The following SLC4A10 variants were observed in gnomAD, a reference collection of about 807,000 sequenced individuals.
SLC4A10 encodes solute carrier family 4 member 10, also known as sodium-driven chloride bicarbonate exchanger.
In SLC4A10, 42 loss-of-function variants were observed where a neutral mutation model predicts 137.7. The observed-to-expected ratio is 0.30, with a 90% CI of 0.24 to 0.39. SLC4A10 has a LOEUF of 0.39. Ranked by LOEUF, SLC4A10 falls within the 10% of genes least tolerant of loss-of-function variation. SLC4A10 has a pLI of 1.00. For synonymous variants in SLC4A10, 474 were observed against 464.1 expected (o/e 1.02, Z -0.27); for missense variants, 925 against 1,355.0 (o/e 0.68, Z 4.98).
rs1004598683 is a variant in SLC4A10, at chr2:161,710,839, G to T, written c.49-60134G>T. 9.8e-5 allele frequency: 30 copies of T among 305,130 alleles called. No individual in the cohort carries two copies. The East Asian group carries it at 2.3e-3, about 23-fold the overall frequency. 18.9% of individuals were successfully genotyped at this position (305,130 alleles called of 1,614,324 possible). ...GCATTGGATGATACTGTATGTATTT[G>T]GTGTTATGAGGAATGCAGAAAAGAA... is the stretch of plus-strand genomic sequence containing the variant. On this transcript the variant is annotated intron_variant, in intron 1 of 26. Coordinates refer to ENST00000446997, the MANE Select transcript of SLC4A10 (RefSeq NM_001178015.2).
At chr2:161,711,625 C>A (rs1160553885) in intron 1 of SLC4A10, among the ~76,000 whole-genome samples, 1 of 151,742 alleles carries the variant, frequency 6.6e-6, no homozygotes, top group South Asian at 2.1e-4. Flanking sequence ...CAAACTGGAA[C>A]ACGCTGCCTG....
chr2:161,629,169 AT>A (rs1187373718), intron 1 of SLC4A10, among the ~76,000 whole-genome samples: 2 of 151,970 alleles, frequency 1.3e-5, no homozygotes, highest in African/African-American at 4.8e-5. Context: ...CATGACAATG[AT>A]CATTTGACTT....
chr2:161,750,313 T>A (rs1237293207), intron 1 of SLC4A10, among the ~76,000 whole-genome samples: 1 of 151,880 alleles, frequency 6.6e-6, no homozygotes, highest in East Asian at 1.9e-4. Flanking sequence ...TTCTACCTTT[T>A]CTAGTCCTTG....
At chr2:161,778,528 C>T (rs755070506) in intron 2 of SLC4A10, among the ~76,000 whole-genome samples, 3 of 151,742 alleles carry the variant, frequency 2.0e-5, no homozygotes, top group Non-Finnish European at 4.4e-5. Flanking sequence ...ATATATATTT[C>T]AATAATATGT....
intron 1 of SLC4A10, among the ~76,000 whole-genome samples, chr2:161,631,867 A>T (rs1177896473): frequency 6.6e-6 from 1 of 151,664 alleles, no homozygotes; most frequent in African/African-American, 2.4e-5. Flanking sequence ...ACTCAGTTGG[A>T]TAGAGTGAGG....
At chr2:161,673,604 A>G (rs1558999244) in intron 1 of SLC4A10, among the ~76,000 whole-genome samples, 1 of 152,204 alleles carries the variant, frequency 6.6e-6, no homozygotes, top group Non-Finnish European at 1.5e-5. Context: ...TTAAAATGCC[A>G]CATAAACATT....
At chr2:161,874,484 G>A (rs763054053) in intron 8 of SLC4A10, among the ~76,000 whole-genome samples, 1 of 152,194 alleles carries the variant, frequency 6.6e-6, no homozygotes, top group Non-Finnish European at 1.5e-5. Flanking sequence ...AATGAAGATT[G>A]CCAGTTGTAG....
chr2:161,758,476 T>C (rs1333050055), intron 1 of SLC4A10, among the ~76,000 whole-genome samples: 1 of 151,998 alleles, frequency 6.6e-6, no homozygotes, highest in Non-Finnish European at 1.5e-5. Flanking sequence ...TTATTTCCAC[T>C]CTGCTTTGAT....
At chr2:161,876,724 A>G (rs1429830766) in intron 8 of SLC4A10, among the ~76,000 whole-genome samples, 3 of 152,196 alleles carry the variant, frequency 2.0e-5, no homozygotes, top group Admixed American at 2.0e-4. Context: ...GGTTTGTCAA[A>G]TAAGTTTCTT....
At chr2:161,670,984 C>T (rs556289087) in intron 1 of SLC4A10, among the ~76,000 whole-genome samples, 88 of 152,188 alleles carry the variant, frequency 5.8e-4, no homozygotes, top group Non-Finnish European at 1.1e-3. Flanking sequence ...AATATTTCTT[C>T]GTATCTTTTC....
At chr2:161,759,192 T>C (rs754784121) in intron 1 of SLC4A10, among the ~76,000 whole-genome samples, 2 of 151,972 alleles carry the variant, frequency 1.3e-5, no homozygotes, top group Admixed American at 1.3e-4. Flanking sequence ...CCCAGCTTTA[T>C]TGAAGTATAA....
chr2:161,745,691 T>C (rs915867492), intron 1 of SLC4A10, among the ~76,000 whole-genome samples: 3 of 152,182 alleles, frequency 2.0e-5, no homozygotes, highest in African/African-American at 7.2e-5. Context: ...TGGTCTTGTT[T>C]GTTCCCTTTC....
At chr2:161,876,892 A>G (rs1237074938) in intron 8 of SLC4A10, among the ~76,000 whole-genome samples, 2 of 152,094 alleles carry the variant, frequency 1.3e-5, no homozygotes, top group Non-Finnish European at 2.9e-5. Flanking sequence ...TGTAATGAGT[A>G]TAATACAATG....
chr2:161,841,474 C>T (rs1207334130), intron 4 of SLC4A10, among the ~76,000 whole-genome samples: 1 of 152,190 alleles, frequency 6.6e-6, no homozygotes, highest in East Asian at 1.9e-4. Context: ...ATTAGTGGTC[C>T]TCAGATTGCA....
chr2:161,965,006 T>C (rs1486260878), intron 22 of SLC4A10, 45 bp from the exon 23 acceptor site: 15 of 1,575,316 alleles, frequency 9.5e-6, no homozygotes, highest in Non-Finnish European at 1.3e-5. Flanking sequence ...ACACCTCTCG[T>C]TTTAATTTTT....
intron 15 of SLC4A10, among the ~76,000 whole-genome samples, chr2:161,910,003 A>C (rs1355555490): frequency 6.6e-6 from 1 of 152,190 alleles, no homozygotes; most frequent in Non-Finnish European, 1.5e-5. Context: ...GGTTCATTAG[A>C]AAAATTCCTA....
At chr2:161,804,201 A>G (rs2055675747) in intron 2 of SLC4A10, among the ~76,000 whole-genome samples, 1 of 152,172 alleles carries the variant, frequency 6.6e-6, no homozygotes, top group Admixed American at 6.6e-5. Flanking sequence ...TAGAGATTAT[A>G]AAGGAAGTGA....
intron 5 of SLC4A10, among the ~76,000 whole-genome samples, chr2:161,859,638 T>C (rs1053552446): frequency 1.5e-5 from 2 of 133,688 alleles, no homozygotes; most frequent in African/African-American, 5.7e-5. Context: ...TCTTGCTTTG[T>C]CTCCCAGGCT....
intron 2 of SLC4A10, among the ~76,000 whole-genome samples, chr2:161,777,987 C>T (rs1474361789): frequency 6.6e-6 from 1 of 151,942 alleles, no homozygotes; most frequent in Non-Finnish European, 1.5e-5. Context: ...TAGGTTTATA[C>T]AGGATGAATT....
Sources: allele counts gnomAD v4.1 joint callset (sites outside exome capture counted in the v4.1 genomes callset), GRCh38; gene constraint gnomAD v4.1.1; transcripts MANE v1.5; gene names NCBI Gene and HGNC (gene_info 2026-07-23, HGNC 2026-07-21).